The following CAPZB variants were observed in gnomAD, a reference collection of about 807,000 sequenced individuals.
CAPZB encodes the protein capping actin protein of muscle Z-line subunit beta.
In CAPZB, 2 loss-of-function variants were observed where a neutral mutation model predicts 38.1. That is an observed-to-expected ratio of 0.05 (90% CI 0.02 to 0.17). The LOEUF (loss-of-function observed/expected upper bound fraction) is 0.17. Among genes scored for constraint, CAPZB ranks in the 10% least tolerant of loss-of-function variants. The pLI is 1.00. For missense variants in CAPZB, 161 were observed against 334.2 expected (o/e 0.48, Z 4.04); for synonymous variants, 107 against 127.4 (o/e 0.84, Z 1.08).
chr1:19,426,610 G>C (rs188739671), intron 1 of CAPZB, among the ~76,000 whole-genome samples: 1 of 152,120 alleles, frequency 6.6e-6, no homozygotes, highest in Non-Finnish European at 1.5e-5. Flanking sequence ...CAACTGCCCC[G>C]AGGCCACCCT....
chr1:19,468,891 G>A (rs1007857107), intron 1 of CAPZB, among the ~76,000 whole-genome samples: 3 of 152,142 alleles, frequency 2.0e-5, no homozygotes, highest in Non-Finnish European at 4.4e-5. Flanking sequence ...CCTGGGACCC[G>A]TGCCTTGAAT....
At chr1:19,351,545 G>A (rs1306522787) in intron 6 of CAPZB, among the ~76,000 whole-genome samples, 1 of 152,044 alleles carries the variant, frequency 6.6e-6, no homozygotes, top group East Asian at 1.9e-4. Context: ...TGAACCCCTG[G>A]CCAAACAATC....
intron 4 of CAPZB, among the ~76,000 whole-genome samples, chr1:19,364,997 C>A (rs1299790981): frequency 6.6e-6 from 1 of 152,074 alleles, no homozygotes; most frequent in Admixed American, 6.6e-5. Context: ...CAGGTGCATG[C>A]CACCACACCT....
At chr1:19,373,882 A>G (rs1200733695) in intron 4 of CAPZB, among the ~76,000 whole-genome samples, 1 of 151,950 alleles carries the variant, frequency 6.6e-6, no homozygotes, top group Non-Finnish European at 1.5e-5. Context: ...TTTTGGAGGT[A>G]CAGGGTCTTG....
At chr1:19,469,805 CAGAG>C (rs2094580934) in intron 1 of CAPZB, among the ~76,000 whole-genome samples, 1 of 150,802 alleles carries the variant, frequency 6.6e-6, no homozygotes, top group Non-Finnish European at 1.5e-5. Context: ...CTGCAAGCAA[CAGAG>C]AGCACAGTAA....
At chr1:19,474,945 A>G (rs1210122579) in intron 1 of CAPZB, among the ~76,000 whole-genome samples, 1 of 152,160 alleles carries the variant, frequency 6.6e-6, no homozygotes, top group Admixed American at 6.5e-5. Flanking sequence ...AGGCAGGTGC[A>G]TGGTCTGCGA....
chr1:19,343,953 G>A lies in CAPZB; in HGVS notation c.731+405C>T, dbSNP rs3790774. 9.5e-3 allele frequency among the ~76,000 whole-genome samples: 1,451 copies of A among 152,314 alleles called. 54 individuals carry two copies. In the East Asian group the frequency reaches 0.13, roughly 14 times the overall value. On this transcript the variant is annotated intron_variant, in intron 8 of 8. Coordinates refer to ENST00000264202, the MANE Select transcript of CAPZB (RefSeq NM_004930.5). The stretch of plus-strand genomic sequence containing the variant: ...ACTGAGGGCCCTGCCTGCACGTTGC[G>A]CTCTGCTGTCTCGGAGAGCAGGCCA...
chr1:19,403,149 T>C (rs1195466800), intron 2 of CAPZB, among the ~76,000 whole-genome samples: 3 of 152,196 alleles, frequency 2.0e-5, no homozygotes, highest in South Asian at 4.1e-4. Context: ...ACTATTCTGT[T>C]GTCACTCTGA....
intron 6 of CAPZB, among the ~76,000 whole-genome samples, chr1:19,354,819 A>G (rs2094011386): frequency 6.6e-6 from 1 of 152,060 alleles, no homozygotes; most frequent in African/African-American, 2.4e-5. Context: ...CAGATTCAGG[A>G]TTTTCCACCC....
chr1:19,430,048 G>A (rs1312736834), intron 1 of CAPZB, among the ~76,000 whole-genome samples: 3 of 152,070 alleles, frequency 2.0e-5, no homozygotes, highest in Non-Finnish European at 4.4e-5. Context: ...CCCCAGCCCA[G>A]GACAGCATCA....
intron 2 of CAPZB, among the ~76,000 whole-genome samples, chr1:19,408,918 T>C (rs2094345379): frequency 6.6e-6 from 1 of 152,214 alleles, no homozygotes; most frequent in African/African-American, 2.4e-5. Flanking sequence ...AGTTCTCTAT[T>C]TGCACAAATA....
intron 1 of CAPZB, among the ~76,000 whole-genome samples, chr1:19,436,573 T>C (rs1022920709): frequency 5.3e-5 from 8 of 152,210 alleles, no homozygotes; most frequent in African/African-American, 1.9e-4. Flanking sequence ...AAATTTGTGC[T>C]AGTTTTGCTG....
At chr1:19,419,875 C>T in intron 1 of CAPZB, 125 bp from the exon 2 acceptor site, 6 of 626,686 alleles carry the variant, frequency 9.6e-6, no homozygotes, top group Non-Finnish European at 1.7e-5. Context: ...GGGCCCTCCG[C>T]CAGGTCTCTG....
At chr1:19,347,981 C>T (rs566699770) in intron 6 of CAPZB, among the ~76,000 whole-genome samples, 3 of 152,346 alleles carry the variant, frequency 2.0e-5, no homozygotes, top group African/African-American at 7.2e-5. Flanking sequence ...AAATGGGGAA[C>T]TGCTGACTTG....
At chr1:19,459,043 G>C (rs1460525424) in intron 1 of CAPZB, among the ~76,000 whole-genome samples, 1 of 152,196 alleles carries the variant, frequency 6.6e-6, no homozygotes, top group Non-Finnish European at 1.5e-5. Flanking sequence ...GGTGTGGTAG[G>C]GAAAGTGCCA....
chr1:19,449,096 T>A (rs1309120699), intron 1 of CAPZB: 2 of 1,431,920 alleles, frequency 1.4e-6, no homozygotes, highest in Non-Finnish European at 1.8e-6. Context: ...CATTTGCAGA[T>A]GAAACCCCAG....
At position 19,474,384 on chromosome 1, in the gene CAPZB, G is replaced by A. The variant is rs528359643; in HGVS notation, c.3+11052C>T. ...TTGCTGCTCAGGAAGTTGAGGCTGA[G>A]ACATGAAGTGACTAGGTTCAAGCCC... On this transcript the variant is annotated intron_variant, in intron 1 of 8. Coordinates refer to ENST00000264202, the MANE Select transcript of CAPZB (RefSeq NM_004930.5). Among the ~76,000 whole-genome samples, 5 of 152,296 alleles carry A rather than the reference G, an allele frequency of 3.3e-5. No homozygotes were observed. The South Asian group carries it at 1.0e-3, about 32-fold the overall frequency.
chr1:19,447,206 A>T (rs2094498978), intron 1 of CAPZB, among the ~76,000 whole-genome samples: 1 of 151,810 alleles, frequency 6.6e-6, no homozygotes, highest in African/African-American at 2.4e-5. Context: ...TTAAAGTGGG[A>T]AAGAAAAATA....
chr1:19,387,554 G>A (rs186577018), intron 2 of CAPZB, among the ~76,000 whole-genome samples: 2 of 152,266 alleles, frequency 1.3e-5, no homozygotes, highest in East Asian at 3.9e-4. Flanking sequence ...ATGCTGCCTT[G>A]GCTTATCTGT....
Sources: gnomAD v4.1 joint callset for allele counts (sites outside exome capture counted in the v4.1 genomes callset) on GRCh38, gnomAD v4.1.1 for gene constraint, MANE v1.5 for transcripts, NCBI Gene and HGNC (gene_info 2026-07-23, HGNC 2026-07-21) for gene names.